Variants in ADAMTSL3 observed in about 807,000 individuals in gnomAD.
ADAMTSL3 encodes ADAMTS-like protein 3.
ADAMTSL3 carries 128 observed loss-of-function variants against 201.7 expected under a neutral mutation model. The observed-to-expected ratio is 0.63, with a 90% CI of 0.55 to 0.73. The LOEUF (loss-of-function observed/expected upper bound fraction) is 0.73, where lower values mean the gene tolerates loss of function less well. Among genes scored for constraint, ADAMTSL3 ranks in the 30% least tolerant of loss-of-function variants. The pLI, the probability that ADAMTSL3 is intolerant of heterozygous loss-of-function variation, is 0.00. For synonymous variants in ADAMTSL3, 738 were observed against 748.4 expected (o/e 0.99, Z 0.23); for missense variants, 1,990 against 2,119.6 (o/e 0.94, Z 1.20).
chr15:84,025,120 G>C (rs2068278143), intron 26 of ADAMTSL3, 118 bp from the exon 27 acceptor site: 7 of 790,812 alleles, frequency 8.9e-6, no homozygotes, highest in Non-Finnish European at 1.4e-5. Context: ...TTCCCATAGA[G>C]ACATGTGACA....
At chr15:83,763,027 C>T (rs1051966839) in intron 3 of ADAMTSL3, among the ~76,000 whole-genome samples, 27 of 152,144 alleles carry the variant, frequency 1.8e-4, no homozygotes, top group African/African-American at 6.5e-4. Context: ...ACTGGGACTA[C>T]AAGTGCACAC....
At chr15:83,930,399 G>C (rs529731712) in intron 17 of ADAMTSL3, among the ~76,000 whole-genome samples, 38 of 152,318 alleles carry the variant, frequency 2.5e-4, no homozygotes, top group African/African-American at 8.4e-4. Context: ...TCAAGGCAGG[G>C]TTGAGTTTAG....
Position 83,738,947 on chromosome 15 carries a change from G to GAAAAA in ADAMTSL3, c.189+34443_189+34447dup, listed in dbSNP as rs768448524. ...ATTAGTTATTATTTCCAGTCCACAA[G>GAAAAA]AAAAAAAATAAAATAAAATAAAATA... On this transcript the variant is annotated intron_variant, in intron 3 of 29. Coordinates refer to ENST00000286744, the MANE Select transcript of ADAMTSL3 (RefSeq NM_207517.3). Among the ~76,000 whole-genome samples the GAAAAA allele has an allele frequency of 3.5e-3, 398 of 112,766 alleles. 2 individuals are homozygous for GAAAAA. Among genetic ancestry groups the GAAAAA allele is most frequent in the African/African-American group, 6.6e-3 (167 of 25,176 alleles). 74.0% of individuals were successfully genotyped at this position (112,766 alleles called of 152,430 possible).
Position 83,870,831 on chromosome 15 carries a change from A to G in ADAMTSL3, c.832A>G (p.Lys278Glu). Reference sequence around the variant, plus strand: ...TGAATCAAAAACACTTCAAGGAAGCAAAGGAGAACACAGCTTTAACAGCCC... The same window carrying G: ...TGAATCAAAAACACTTCAAGGAAGCGAAGGAGAACACAGCTTTAACAGCCC... ...FIESKTLQGS[K>E]GEHSFNSPGV... The change falls in exon 9 of 30, where the codon AAA becomes GAA. Residue 278 changes from lysine to glutamate, a missense_variant. Lys to Glu is a moderately conservative substitution (Grantham distance 56). Transcript: ENST00000286744. The G allele has an allele frequency of 6.2e-7, 1 of 1,603,430 alleles. No individual in the cohort carries two copies. The highest frequency in any genetic ancestry group is 1.1e-5 in the South Asian group (1 of 87,910).
rs147697152 is a variant in ADAMTSL3 at position 83,805,664 on chromosome 15, T to C, written c.363+969T>C. ...TCCTGGTTATCAGTAAGAGGCTAAC[T>C]AGAGGTACTTGACACTTGCCTCTTC... On this transcript the variant is annotated intron_variant, in intron 5 of 29. Transcript: ENST00000286744. 2.5e-3 allele frequency among the ~76,000 whole-genome samples: 383 copies of C among 152,268 alleles called. 9 individuals carry two copies. In the East Asian group the frequency reaches 0.061, roughly 24 times the overall value.
intron 6 of ADAMTSL3, among the ~76,000 whole-genome samples, chr15:83,832,636 G>C (rs537500198): frequency 9.2e-5 from 14 of 152,320 alleles, no homozygotes; most frequent in Middle Eastern, 3.4e-3. Context: ...GGCAGATTCA[G>C]TGTCTGGTGA....
At chr15:83,886,117 C>A (rs1439166752) in intron 10 of ADAMTSL3, among the ~76,000 whole-genome samples, 1 of 152,194 alleles carries the variant, frequency 6.6e-6, no homozygotes, top group Non-Finnish European at 1.5e-5. Flanking sequence ...ATCTTTCATG[C>A]TCCGGTGGAA....
At chr15:83,770,306 T>C (rs897610307) in intron 3 of ADAMTSL3, among the ~76,000 whole-genome samples, 1 of 152,222 alleles carries the variant, frequency 6.6e-6, no homozygotes, top group Non-Finnish European at 1.5e-5. Flanking sequence ...TTTAACAATT[T>C]ATCATATTCT....
At chr15:83,938,852 T>C (rs1313786197) in intron 17 of ADAMTSL3, among the ~76,000 whole-genome samples, 1 of 152,236 alleles carries the variant, frequency 6.6e-6, no homozygotes, top group East Asian at 1.9e-4. Context: ...TGTCTTTCTT[T>C]AACTGGTATT....
chr15:83,764,771 G>A (rs146973717), intron 3 of ADAMTSL3, among the ~76,000 whole-genome samples: 1 of 151,992 alleles, frequency 6.6e-6, no homozygotes, highest in Admixed American at 6.6e-5. Flanking sequence ...GGTAAATAGC[G>A]TGTTTTAAAA....
chr15:83,968,324 AC>A (rs1360545133), intron 19 of ADAMTSL3, among the ~76,000 whole-genome samples: 2 of 152,222 alleles, frequency 1.3e-5, no homozygotes, highest in African/African-American at 4.8e-5. Context: ...AGGAACTTAA[AC>A]AAATTTACAA....
chr15:83,823,302 A>G (rs1251579100), intron 6 of ADAMTSL3, among the ~76,000 whole-genome samples: 3 of 152,312 alleles, frequency 2.0e-5, no homozygotes, highest in East Asian at 1.9e-4. Context: ...TATTCTGCTC[A>G]TAACAAAAAC....
chr15:83,910,653 G>A (rs1016830148), intron 15 of ADAMTSL3, among the ~76,000 whole-genome samples: 2 of 101,542 alleles, frequency 2.0e-5, no homozygotes, highest in Non-Finnish European at 4.2e-5. Flanking sequence ...TTTTTTTTTT[G>A]AGATGGAGTC....
At chr15:83,871,107 T>C in intron 9 of ADAMTSL3, 148 bp downstream of exon 9, 1 of 958,750 alleles carries the variant, frequency 1.0e-6, no homozygotes, top group Non-Finnish European at 1.5e-6. Flanking sequence ...GGCAGTCCAT[T>C]CTTAAAAATT....
chr15:83,907,323 C>T (rs573727258), intron 15 of ADAMTSL3, among the ~76,000 whole-genome samples: 1 of 152,078 alleles, frequency 6.6e-6, no homozygotes, highest in African/African-American at 2.4e-5. Context: ...TAATTTTTAT[C>T]ATAAACATCT....
chr15:83,810,482 G>T (rs1596250098), intron 5 of ADAMTSL3, among the ~76,000 whole-genome samples: 1 of 152,138 alleles, frequency 6.6e-6, no homozygotes, highest in African/African-American at 2.4e-5. Context: ...TATTGTTGTG[G>T]TAACATATTA....
chr15:84,031,996 G>A (rs2068418074), intron 28 of ADAMTSL3, among the ~76,000 whole-genome samples: 1 of 152,140 alleles, frequency 6.6e-6, no homozygotes. Context: ...CAGAGATCCA[G>A]ATGCCCTCCA....
intron 20 of ADAMTSL3, among the ~76,000 whole-genome samples, chr15:83,977,748 T>C (rs2067311972): frequency 6.6e-6 from 1 of 152,138 alleles, no homozygotes; most frequent in African/African-American, 2.4e-5. Flanking sequence ...CCAAGTAACA[T>C]TTAATGTGGT....
chr15:83,698,225 G>A (rs1305571848), intron 2 of ADAMTSL3, among the ~76,000 whole-genome samples: 1 of 152,056 alleles, frequency 6.6e-6, no homozygotes, highest in Non-Finnish European at 1.5e-5. Flanking sequence ...CTTTCACCCA[G>A]CTTTCATAGT....
Sources: gnomAD v4.1 joint callset for allele counts (sites outside exome capture counted in the v4.1 genomes callset) on GRCh38, gnomAD v4.1.1 for gene constraint, MANE v1.5 for transcripts, NCBI Gene and HGNC (gene_info 2026-07-23, HGNC 2026-07-21) for gene names.